COL6A5: variants seen among roughly 807,000 people sequenced by gnomAD.
COL6A5 encodes collagen alpha-5(VI) chain.
Under a neutral mutation model 65.6 loss-of-function variants are expected in COL6A5, and 48 were observed. The ratio of observed to expected loss-of-function variants is 0.73; its 90% CI spans 0.58 to 0.93. The LOEUF is 0.93. Among genes scored for constraint, COL6A5 ranks in the 40% least tolerant of loss-of-function variants. COL6A5 has a pLI of 0.00. For missense variants in COL6A5, 914 were observed against 928.3 expected, an observed-to-expected ratio of 0.98 and a Z score of 0.20; for synonymous variants, 291 against 322.8, an observed-to-expected ratio of 0.90 and a Z score of 1.05.
At chr3:130,470,877 T>C in exon 7 of COL6A5, 1 of 1,611,286 alleles carries the variant, frequency 6.2e-7, no homozygotes, top group Non-Finnish European at 8.5e-7. Flanking sequence ...CCAGGTGCCA[T>C]CAACAAATAT....
At chr3:130,389,084 A>G (rs1263051799) in exon 6 of COL6A5, 8 of 1,466,040 alleles carry the variant, frequency 5.5e-6, no homozygotes, top group Non-Finnish European at 7.2e-6. Context: ...AACTTCGATC[A>G]TCTAAAGGCA....
chr3:130,471,289 T>C (rs923002711), intron 7 of COL6A5, among the ~76,000 whole-genome samples: 1 of 152,074 alleles, frequency 6.6e-6, no homozygotes, highest in Admixed American at 6.6e-5. Context: ...AGAAAACTTA[T>C]ATCAAAGATT....
Position 130,391,311 on chromosome 3 carries a change from G to A in COL6A5, c.2549G>A (p.Arg850Gln), listed in dbSNP as rs372139907. The stretch of plus-strand genomic sequence containing the variant: ...AAGAAAGCAGATGTTGGCAGGGACC[G>A]AGTTCAGTTTGGAGCCCTCAAATAC... The change falls in exon 7 of 42, where the codon CGA becomes CAA. Residue 850 changes from arginine to glutamine, a missense_variant and NMD_transcript_variant. Coordinates refer to the COL6A5 transcript ENST00000312481. 2.2e-4 allele frequency: 334 copies of A among 1,551,512 alleles called. 3 individuals carry two copies. The East Asian group carries it at 6.6e-3, about 31-fold the overall frequency.
intron 5 of COL6A5, 26 bp from the exon 6 acceptor site, chr3:130,388,554 C>G: frequency 6.7e-7 from 1 of 1,483,790 alleles, no homozygotes; most frequent in Non-Finnish European, 9.0e-7. Flanking sequence ...CTGGTTATTT[C>G]TGGTCTTTTT....
intron 24 of COL6A5, 101 bp from the exon 25 acceptor site, chr3:130,418,768 A>G (rs1937435169): frequency 3.4e-6 from 3 of 875,500 alleles, no homozygotes; most frequent in Admixed American, 4.0e-5. Context: ...CTGACCCCTC[A>G]CTGAGAACCT....
At chr3:130,405,993 G>A (rs1309665989) in exon 15 of COL6A5, 1 of 1,551,242 alleles carries the variant, frequency 6.4e-7, no homozygotes, top group South Asian at 1.2e-5. Flanking sequence ...TCTTTTGCAG[G>A]GACTCAAAGG....
chr3:130,427,390 ATGT>A (rs1267437560), upstream of COL6A5, among the ~76,000 whole-genome samples: 1 of 152,164 alleles, frequency 6.6e-6, no homozygotes, highest in Non-Finnish European at 1.5e-5. Flanking sequence ...CTAGATAAAA[ATGT>A]TGTCATTGCA....
At chr3:130,405,591 G>T in exon 14 of COL6A5, 2 of 1,550,536 alleles carry the variant, frequency 1.3e-6, no homozygotes, top group South Asian at 2.4e-5. Context: ...TTCTTAGGGA[G>T]TACGAGGAGA....
At chr3:130,431,716 T>C (rs753734810) in exon 1 of COL6A5, 1 of 1,551,536 alleles carries the variant, frequency 6.4e-7, no homozygotes, top group South Asian at 1.2e-5. Context: ...CCAAATAAAA[T>C]ATCAAGACAC....
At chr3:130,389,003 G>C in exon 6 of COL6A5, 1 of 1,546,402 alleles carries the variant, frequency 6.5e-7, no homozygotes, top group Non-Finnish European at 8.7e-7. Context: ...TTCTCTGTAG[G>C]AGTATACAAT....
At chr3:130,359,767 T>C (rs1273858317) in intron 1 of COL6A5, among the ~76,000 whole-genome samples, 1 of 152,104 alleles carries the variant, frequency 6.6e-6, no homozygotes, top group African/African-American at 2.4e-5. Context: ...AAGGGCAAAA[T>C]TGAGTAGTAT....
chr3:130,369,371 T>G (rs766862951), intron 1 of COL6A5, among the ~76,000 whole-genome samples: 6 of 152,260 alleles, frequency 3.9e-5, no homozygotes, highest in Non-Finnish European at 7.3e-5. Context: ...TCCAATAAAC[T>G]GTTTACATAC....
intron 12 of COL6A5, 73 bp downstream of exon 12, chr3:130,401,927 T>C: frequency 9.3e-7 from 1 of 1,080,386 alleles, no homozygotes; most frequent in Admixed American, 2.1e-5. Context: ...GACTGAGTGG[T>C]TGAATTTACA....
At chr3:130,357,735 T>A (rs1934969993) in intron 1 of COL6A5, among the ~76,000 whole-genome samples, 1 of 152,218 alleles carries the variant, frequency 6.6e-6, no homozygotes, top group African/African-American at 2.4e-5. Flanking sequence ...ATCATTGTAG[T>A]AGATGCTGAA....
exon 4 of COL6A5, chr3:130,379,785 C>A (rs1180170328): frequency 6.4e-7 from 1 of 1,551,388 alleles, no homozygotes. Flanking sequence ...CAGTTCTGGT[C>A]ACCCACAGAC....
At chr3:130,455,745 A>C in intron 5 of COL6A5, 79 bp downstream of exon 37, 1 of 1,177,586 alleles carries the variant, frequency 8.5e-7, no homozygotes, top group Non-Finnish European at 1.2e-6. Flanking sequence ...AAAATCAAAT[A>C]AATTAAGGCT....
In COL6A5 at chr3:130,405,671, C is replaced by T. The variant is rs1936963194; in HGVS notation, c.4353+12C>T. On this transcript the variant is annotated intron_variant and NMD_transcript_variant, in intron 14 of 41. Coordinates refer to the COL6A5 transcript ENST00000312481. Reference sequence around the variant, plus strand: ...CGTGGGGTCAGAAGGTAAGGCTCTTCTGTAAATGTTATTTCCAATTCTCTG... The same window carrying T: ...CGTGGGGTCAGAAGGTAAGGCTCTTTTGTAAATGTTATTTCCAATTCTCTG... The T allele has an allele frequency of 6.5e-7, 1 of 1,536,430 alleles. No homozygotes were observed. Among genetic ancestry groups the T allele is most frequent in the Non-Finnish European group, 8.8e-7 (1 of 1,133,500 alleles).
upstream of COL6A5, among the ~76,000 whole-genome samples, chr3:130,427,562 G>A (rs1316426559): frequency 6.6e-6 from 1 of 152,090 alleles, no homozygotes; most frequent in East Asian, 1.9e-4. Flanking sequence ...TATTTTAGGG[G>A]TAGAGGAATC....
chr3:130,390,028 TA>T (rs1320585407), intron 6 of COL6A5, among the ~76,000 whole-genome samples: 4 of 152,188 alleles, frequency 2.6e-5, no homozygotes, highest in African/African-American at 9.6e-5. Context: ...TATAAACACT[TA>T]AGTGTTAGGT....
Sources: gnomAD v4.1 joint callset for allele counts (sites outside exome capture counted in the v4.1 genomes callset) on GRCh38, gnomAD v4.1.1 for gene constraint, MANE v1.5 for transcripts, NCBI Gene and HGNC (gene_info 2026-07-23, HGNC 2026-07-21) for gene names.